The following METTL2B variants were observed in gnomAD, a reference collection of about 807,000 sequenced individuals.
METTL2B encodes the protein tRNA N(3)-cytidine methyltransferase METTL2B.
A neutral mutation model predicts 51.0 loss-of-function variants in METTL2B; 28 were observed. The ratio of observed to expected loss-of-function variants is 0.55; its 90% CI spans 0.41 to 0.75. The LOEUF (loss-of-function observed/expected upper bound fraction) is 0.75, where lower values mean the gene tolerates loss of function less well. Ranked by LOEUF, METTL2B falls within the 30% of genes least tolerant of loss-of-function variation. The pLI is 0.00. For synonymous variants in METTL2B, 128 were observed against 166.3 expected, an observed-to-expected ratio of 0.77 and a Z score of 1.77; for missense variants, 313 against 460.7, an observed-to-expected ratio of 0.68 and a Z score of 2.93.
chr7:128,478,002 C>T (rs1799824678), intron 2 of METTL2B: 1 of 432,798 alleles, frequency 2.3e-6, no homozygotes, highest in South Asian at 1.6e-5. Context: ...GGTAAGCAGT[C>T]AGTAGTAGCA....
At chr7:128,484,217 C>CTTTTTTTTTTTTTTTTTGTTTTT (rs1792642432) in intron 4 of METTL2B, 2 of 42,414 alleles carry the variant, frequency 4.7e-5, no homozygotes, top group African/African-American at 2.0e-4. Flanking sequence ...TGCCTAGATC[C>CTTTTTTTTTTTTTTTTTGTTTTT]TTTTTTTTTT....
intron 4 of METTL2B, chr7:128,483,978 C>A: frequency 6.6e-6 from 1 of 152,378 alleles, no homozygotes. Context: ...CCCGCCTCAG[C>A]CTCCCAAAGT....
chr7:128,494,559 A>G (rs974047423), intron 6 of METTL2B, among the ~76,000 whole-genome samples: 2 of 152,296 alleles, frequency 1.3e-5, no homozygotes, highest in Admixed American at 6.5e-5. Flanking sequence ...ATCTCATCAC[A>G]TGCCGTTTTA....
At chr7:128,484,474 C>T (rs1792663167) in intron 4 of METTL2B, among the ~76,000 whole-genome samples, 1 of 151,606 alleles carries the variant, frequency 6.6e-6, no homozygotes, top group Non-Finnish European at 1.5e-5. Flanking sequence ...TCTGATAAAG[C>T]CTTAGGATCA....
chr7:128,490,650 C>T (rs1792812382), intron 5 of METTL2B, among the ~76,000 whole-genome samples: 1 of 152,134 alleles, frequency 6.6e-6, no homozygotes, highest in Non-Finnish European at 1.5e-5. Flanking sequence ...CACGTGGCCC[C>T]AACGTGCTTG....
At position 128,503,667 on chromosome 7, in the gene METTL2B, C is replaced by T. The variant is rs1793071811; in HGVS notation, c.*1751C>T. The T allele has an allele frequency of 2.6e-5, 4 of 152,016 alleles. No individual in the cohort carries two copies. The highest frequency in any genetic ancestry group is 2.6e-4 in the Admixed American group (4 of 15,228). 9.4% of individuals were successfully genotyped at this position (152,016 alleles called of 1,614,324 possible). On this transcript the variant is annotated 3_prime_UTR_variant, in exon 9 of 9. Transcript: ENST00000262432. The stretch of plus-strand genomic sequence containing the variant: ...TATTTTTACATATTTCTGTCTTGAT[C>T]CATGCAGTTATAGGATATATCCTTA...
intron 2 of METTL2B, among the ~76,000 whole-genome samples, chr7:128,477,621 G>A (rs1045314780): frequency 6.6e-6 from 1 of 151,942 alleles, no homozygotes; most frequent in Non-Finnish European, 1.5e-5. Context: ...TATTACTTGT[G>A]TGATGGTTAT....
chr7:128,489,927 C>T (rs376899577), intron 5 of METTL2B, among the ~76,000 whole-genome samples: 15 of 152,118 alleles, frequency 9.9e-5, no homozygotes, highest in African/African-American at 2.9e-4. Context: ...CGCGCCCGGC[C>T]GGCAATTTCT....
In METTL2B at chr7:128,502,875, G is replaced by T. The variant is rs1246884568; in HGVS notation, c.*959G>T. 7 of 230,306 alleles carry T rather than the reference G, an allele frequency of 3.0e-5. No individual in the cohort carries two copies. In the East Asian group the frequency reaches 6.4e-4, roughly 21 times the overall value. The allele number at this position is 230,306 out of a possible 1,614,324, so 14.3% of individuals were successfully genotyped here. A position where few individuals can be genotyped will look rare whatever the true frequency, so the allele number is the denominator to read the frequency against. Reference sequence around the variant, plus strand: ...ATTGCGCCACTGTACTCCAGCCTGGGCAACAAAGCAAGACTCTGTCTCAAA... The same window carrying T: ...ATTGCGCCACTGTACTCCAGCCTGGTCAACAAAGCAAGACTCTGTCTCAAA... On this transcript the variant is annotated 3_prime_UTR_variant, in exon 9 of 9. Coordinates refer to ENST00000262432, the MANE Select transcript of METTL2B (RefSeq NM_018396.3).
intron 5 of METTL2B, among the ~76,000 whole-genome samples, chr7:128,489,629 C>CTTTTTT (rs71160655): frequency 9.0e-6 from 1 of 111,060 alleles, no homozygotes; most frequent in African/African-American, 3.5e-5. Context: ...CTGGCAATTT[C>CTTTTTT]TTTTTTTTTT....
Position 128,503,117 on chromosome 7 carries a change from A to T in METTL2B, c.*1201A>T, listed in dbSNP as rs191363012. 1.4e-3 allele frequency: 219 copies of T among 153,794 alleles called. No individual in the cohort carries two copies. Among genetic ancestry groups the T allele is most frequent in the Admixed American group, 3.9e-3 (60 of 15,538 alleles). The allele number at this position is 153,794 out of a possible 1,614,324, so 9.5% of individuals were successfully genotyped here. On this transcript the variant is annotated 3_prime_UTR_variant, in exon 9 of 9. Coordinates refer to ENST00000262432, the MANE Select transcript of METTL2B (RefSeq NM_018396.3). ...CCTCGTCTCCACTAAAAATACCAAA[A>T]AAAATAGCTGGGCATGGTGGCATGC... is the stretch of plus-strand genomic sequence containing the variant.
At chr7:128,476,943 A>G in intron 1 of METTL2B, 68 bp downstream of exon 1, 1 of 1,335,348 alleles carries the variant, frequency 7.5e-7, no homozygotes, top group Non-Finnish European at 1.0e-6. Flanking sequence ...AGCATTCCGA[A>G]AAGCCCCTGA....
intron 6 of METTL2B, among the ~76,000 whole-genome samples, chr7:128,495,970 A>G (rs1792916538): frequency 6.6e-6 from 1 of 152,166 alleles, no homozygotes; most frequent in African/African-American, 2.4e-5. Flanking sequence ...AAAGATGATT[A>G]AGTAAATTAG....
chr7:128,482,580 C>G (rs1340843427), intron 4 of METTL2B, among the ~76,000 whole-genome samples: 1 of 152,180 alleles, frequency 6.6e-6, no homozygotes. Flanking sequence ...GTTGCCCAGG[C>G]TGGAGTGCAG....
Position 128,503,509 on chromosome 7 carries a change from C to A in METTL2B, c.*1593C>A, listed in dbSNP as rs1793068936. ...GGAGTTCAGTGGTGCAATGATAGCT[C>A]ATTATCACCTCGAACTTCTGGCTTG... On this transcript the variant is annotated 3_prime_UTR_variant, in exon 9 of 9. Transcript: ENST00000262432. 6.7e-6 allele frequency: 1 copy of A among 149,290 alleles called. No individual in the cohort carries two copies. Among genetic ancestry groups the A allele is most frequent in the African/African-American group, 2.5e-5 (1 of 40,482 alleles). 9.2% of individuals were successfully genotyped at this position (149,290 alleles called of 1,614,324 possible).
rs1040915886 is a variant in METTL2B at position 128,484,056 on chromosome 7, C to T, written c.608+3360C>T. The T allele has an allele frequency of 5.3e-5, 8 of 151,874 alleles. 1 individual carries two copies. Among genetic ancestry groups the T allele is most frequent in the African/African-American group, 1.7e-4 (7 of 41,398 alleles). 9.4% of individuals were successfully genotyped at this position (151,874 alleles called of 1,614,324 possible). On this transcript the variant is annotated intron_variant, in intron 4 of 8. Transcript: ENST00000262432. ...GTACTTTTTAGTAGAGATGAGCTTT[C>T]ACCATGTTGGCCAGGCGGGTCTCGA...
intron 6 of METTL2B, among the ~76,000 whole-genome samples, chr7:128,495,102 T>C (rs1792901056): frequency 6.6e-6 from 1 of 151,544 alleles, no homozygotes; most frequent in Non-Finnish European, 1.5e-5. Context: ...TTTTTTTTTT[T>C]AGTGGAGATG....
intron 5 of METTL2B, among the ~76,000 whole-genome samples, chr7:128,490,900 C>A (rs761313977): frequency 6.6e-6 from 1 of 152,058 alleles, no homozygotes; most frequent in Non-Finnish European, 1.5e-5. Context: ...CAGTGGCTCA[C>A]ACCTGTCATC....
intron 2 of METTL2B, 38 bp from the exon 3 acceptor site, chr7:128,479,120 A>G (rs1189333969): frequency 6.5e-7 from 1 of 1,547,632 alleles, no homozygotes; most frequent in African/African-American, 1.4e-5. Context: ...AAAATATTTG[A>G]GAGCTGGTTC....
Sources: allele counts gnomAD v4.1 joint callset (sites outside exome capture counted in the v4.1 genomes callset), GRCh38; gene constraint gnomAD v4.1.1; transcripts MANE v1.5; gene names NCBI Gene and HGNC (gene_info 2026-07-23, HGNC 2026-07-21).